Variants in TNXB observed in about 807,000 individuals in gnomAD.
TNXB encodes tenascin XB.
TNXB carries 183 observed loss-of-function variants against 340.5 expected under a neutral mutation model. The ratio of observed to expected loss-of-function variants is 0.54; its 90% confidence interval spans 0.48 to 0.61. The LOEUF (loss-of-function observed/expected upper bound fraction) is 0.61. TNXB is among the 20% of genes least tolerant of loss of function. The probability of loss-of-function intolerance (pLI) is 0.00; values close to 1 mark genes in which losing one functional copy is unlikely to be tolerated. For synonymous variants in TNXB, 2,121 were observed against 2,314.5 expected (o/e 0.92, Z 2.40); for missense variants, 4,613 against 5,446.4 (o/e 0.85, Z 4.82).
At chr6:32,094,095 C>CAAAAAA (rs9281649) in intron 4 of TNXB, among the ~76,000 whole-genome samples, 7 of 28,972 alleles carry the variant, frequency 2.4e-4, no homozygotes, top group East Asian at 1.4e-3. Flanking sequence ...CTCTCTGTCT[C>CAAAAAA]AAAAAAAAAA....
At chr6:32,065,463 G>T (rs905262465) in intron 18 of TNXB, among the ~76,000 whole-genome samples, 1 of 151,974 alleles carries the variant, frequency 6.6e-6, no homozygotes, top group Non-Finnish European at 1.5e-5. Flanking sequence ...TTTCTCAATT[G>T]CAATGTATCC....
Position 32,061,258 on chromosome 6 carries a change from G to C in TNXB, c.7492+139C>G. On this transcript the variant is annotated intron_variant, in intron 21 of 43. Coordinates refer to ENST00000644971, the MANE Select transcript of TNXB (RefSeq NM_001365276.2). The surrounding 1 kb of genome is among the most constrained non-coding windows in gnomAD (Gnocchi z 4.4). The stretch of plus-strand genomic sequence containing the variant: ...GTGAACAAGCAAACCGCTAGCATAG[G>C]CCACAGCCACAGGGCACAGAGGGAG... The C allele has an allele frequency of 7.5e-7, 1 of 1,332,412 alleles. No individual in the cohort carries two copies. The highest frequency in any genetic ancestry group is 1.0e-6 in the Non-Finnish European group (1 of 982,798). The allele number at this position is 1,332,412 out of a possible 1,614,324, so 82.5% of individuals were successfully genotyped here. A position where few individuals can be genotyped will look rare whatever the true frequency, so the allele number is the denominator to read the frequency against.
intron 24 of TNXB, among the ~76,000 whole-genome samples, chr6:32,055,172 C>G (rs1777551550): frequency 6.6e-6 from 1 of 152,164 alleles, no homozygotes; most frequent in South Asian, 2.1e-4. Context: ...AGAGCAAAAC[C>G]TTGCTTCCTT....
intron 11 of TNXB, among the ~76,000 whole-genome samples, chr6:32,076,436 C>G (rs528015755): frequency 1.3e-5 from 2 of 152,322 alleles, no homozygotes; most frequent in South Asian, 4.1e-4. Flanking sequence ...CGCACTGATG[C>G]CCATTTCTTT....
chr6:32,086,116 ACCC>A lies in TNXB; in HGVS notation c.2780-1_2781del. 2 of 1,512,922 alleles carry A rather than the reference ACCC, an allele frequency of 1.3e-6. No individual in the cohort carries two copies. The highest frequency in any genetic ancestry group is 1.8e-6 in the Non-Finnish European group (2 of 1,127,478). 93.7% of individuals were successfully genotyped at this position (1,512,922 alleles called of 1,614,324 possible). A position where few individuals can be genotyped will look rare whatever the true frequency, so the allele number is the denominator to read the frequency against. ...GTCCCCAAGAGGCCCAAGGGTGAGGACCCTGGGAAGGGGCAGGGTGAGAAAAAG... is the reference window on the plus strand; with the variant it reads ...GTCCCCAAGAGGCCCAAGGGTGAGGATGGGAAGGGGCAGGGTGAGAAAAAG... On this transcript the variant is annotated splice_acceptor_variant and coding_sequence_variant, in exon 7 of 44. Transcript: ENST00000644971. LOFTEE classifies it high-confidence loss of function.
At position 32,052,872 on chromosome 6, in the gene TNXB, G is replaced by A; in HGVS notation, c.8913C>T (p.Ser2971=). The part of the protein sequence containing the change: ...TGSSPDSLSL[S]WTIPQGRFDS... ...CGAAGCGGCCCTGGGGGATGGTCCAGGAGAGGCTCAGCGAGTCAGGGGAGG... is the reference window on the plus strand; with the variant it reads ...CGAAGCGGCCCTGGGGGATGGTCCAAGAGAGGCTCAGCGAGTCAGGGGAGG... The change falls in exon 26 of 44, where the codon TCC becomes TCT. Residue 2971 remains serine, a synonymous_variant. Coordinates refer to ENST00000644971, the MANE Select transcript of TNXB (RefSeq NM_001365276.2). The surrounding 1 kb of genome is among the most constrained non-coding windows in gnomAD (Gnocchi z 4.7). 1 of 1,613,262 alleles carries A rather than the reference G, an allele frequency of 6.2e-7. No individual in the cohort carries two copies. Among genetic ancestry groups the A allele is most frequent in the African/African-American group, 1.3e-5 (1 of 75,052 alleles).
chr6:32,096,261 TC>T lies in TNXB; in HGVS notation c.1591del (p.Asp531ThrfsTer40), dbSNP rs1351709643. On this transcript the variant is annotated frameshift_variant, in exon 3 of 44. Coordinates refer to ENST00000644971, the MANE Select transcript of TNXB (RefSeq NM_001365276.2). LOFTEE classifies it high-confidence loss of function. ...CTCGCAAAGGCCGTGCCCACGGCAG[TC>T]CCCGGGACAGCGACGGCTCCCACAG... ...EDCGSRRCPG[D>X]CRGHGLCEDG... The T allele has an allele frequency of 1.9e-6, 3 of 1,564,602 alleles. No homozygotes were observed. Among genetic ancestry groups the T allele is most frequent in the Non-Finnish European group, 1.7e-6 (2 of 1,159,142 alleles).
In TNXB at chr6:32,072,151, T is replaced by C; in HGVS notation, c.4829A>G (p.Gln1610Arg). Residue 1610 changes from glutamine (Q) to arginine (R), a missense_variant, in exon 13 of 44, where the codon CAG (glutamine) becomes CGG (arginine). Coordinates refer to ENST00000644971, the MANE Select transcript of TNXB (RefSeq NM_001365276.2). The surrounding 1 kb of genome is among the most constrained non-coding windows in gnomAD (Gnocchi z 4.4). ...GGGCTGCCCGTCCCTGTCCTTGTACTGAACCACAAAGGAGTCGAATTCACC... is the reference window on the plus strand; with the variant it reads ...GGGCTGCCCGTCCCTGTCCTTGTACCGAACCACAAAGGAGTCGAATTCACC... Reference protein sequence around the residue: ...PEGEFDSFVVQYKDRDGQPQV... With the variant: ...PEGEFDSFVVRYKDRDGQPQV... 6.2e-7 allele frequency: 1 copy of C among 1,613,614 alleles called. No homozygotes were observed. Among genetic ancestry groups the C allele is most frequent in the South Asian group, 1.1e-5 (1 of 91,020 alleles).
Position 32,097,479 on chromosome 6 carries a change from GTC to G in TNXB, c.404-32_404-31del, listed in dbSNP as rs1318401730. ...AGTAGGAGGGGAGAGGCAAGTCTCA[GTC>G]TCTCTCCTGGGAGAGAGGCTGAGCC... On this transcript the variant is annotated intron_variant, in intron 2 of 43. Coordinates refer to ENST00000644971, the MANE Select transcript of TNXB (RefSeq NM_001365276.2). This position sits in a 1 kb window ranked among gnomAD's most constrained non-coding sequence, Gnocchi z 5.9. 2 of 1,569,420 alleles carry G rather than the reference GTC, an allele frequency of 1.3e-6. No homozygotes were observed. Among genetic ancestry groups the G allele is most frequent in the Admixed American group, 1.7e-5 (1 of 58,774 alleles).
chr6:32,099,967 AAAAC>A lies in TNXB; in HGVS notation c.-8-1765_-8-1762del, dbSNP rs1468194240. On this transcript the variant is annotated intron_variant, in intron 1 of 43. Coordinates refer to ENST00000644971, the MANE Select transcript of TNXB (RefSeq NM_001365276.2). ...TAAGTAAAAAAAAAAAAAAAAAAAA[AAAAC>A]AGTCATTCTCCACCTTATGTCTGAT... 4.0e-5 allele frequency among the ~76,000 whole-genome samples: 6 copies of A among 150,756 alleles called. No homozygotes were observed. The East Asian group carries it at 1.1e-3, about 27-fold the overall frequency.
In TNXB at chr6:32,069,950, G is replaced by C; in HGVS notation, c.5279-89C>G. On this transcript the variant is annotated intron_variant, in intron 14 of 43. Coordinates refer to ENST00000644971, the MANE Select transcript of TNXB (RefSeq NM_001365276.2). The surrounding 1 kb of genome is among the most constrained non-coding windows in gnomAD (Gnocchi z 6.2). ...GGCAGGATTGAGAGGTCTGGAGACA[G>C]GGCTTTGCGTGGCTGAGTCCTGCCG... 7.0e-7 allele frequency: 1 copy of C among 1,420,278 alleles called. No individual in the cohort carries two copies. 88.0% of individuals were successfully genotyped at this position (1,420,278 alleles called of 1,614,324 possible).
At chr6:32,056,461 C>A (rs1777649491) in intron 23 of TNXB, 125 bp downstream of exon 23, 1 of 1,469,220 alleles carries the variant, frequency 6.8e-7, no homozygotes, top group South Asian at 1.3e-5. Context: ...CCAAGGGGAG[C>A]CCCAGCCACA....
Position 32,079,065 on chromosome 6 carries a change from C to T in TNXB, c.4343G>A (p.Arg1448His), listed in dbSNP as rs760174312. The T allele has an allele frequency of 4.3e-6, 7 of 1,613,178 alleles. No individual in the cohort carries two copies. Among genetic ancestry groups the T allele is most frequent in the Admixed American group, 1.7e-5 (1 of 59,984 alleles). ...MHLYGLHEGQ[R>H]VGPVSAVGVT... The stretch of plus-strand genomic sequence containing the variant: ...GCCCACGGCGGACACCGGGCCCACG[C>T]GCTGCCCCTCGTGGAGGCCGTACAG... Residue 1448 changes from arginine (R) to histidine (H), a missense_variant, in exon 11 of 44, where the codon CGC becomes CAC. Around this residue, in one of 7 missense-constraint regions of TNXB, gnomAD observed 4,327 missense variants for 4,859.4 expected, o/e 0.89. Transcript: ENST00000644971. This position sits in a 1 kb window ranked among gnomAD's most constrained non-coding sequence, Gnocchi z 7.1.
At chr6:32,041,598 T>G in intron 43 of TNXB, 148 bp from the exon 44 acceptor site, 1 of 1,079,956 alleles carries the variant, frequency 9.3e-7, no homozygotes. Context: ...GAGGCTTAAT[T>G]CTGAGCTGGC....
intron 1 of TNXB, among the ~76,000 whole-genome samples, chr6:32,102,402 GATAA>G (rs528361929): frequency 2.0e-4 from 30 of 152,168 alleles, no homozygotes; most frequent in African/African-American, 6.3e-4. Context: ...TCATAAAGTG[GATAA>G]ATAAATTGTG....
chr6:32,096,929 C>A lies in TNXB; in HGVS notation c.924G>T (p.Val308=). 1 of 1,581,046 alleles carries A rather than the reference C, an allele frequency of 6.3e-7. No homozygotes were observed. The highest frequency in any genetic ancestry group is 8.7e-7 in the Non-Finnish European group (1 of 1,151,566). ...NPGYTGEDCG[V]RSCPRGCSQR... is the part of the protein sequence containing the mutation. ...GGCTGCAGCCCCGAGGGCAGCTCCT[C>A]ACCCCACAGTCCTCGCCAGTGTAGC... is the stretch of plus-strand genomic sequence containing the variant. Residue 308 remains valine, a synonymous_variant, in exon 3 of 44, where the codon GTG becomes GTT. Transcript: ENST00000644971.
At position 32,096,958 on chromosome 6, in the gene TNXB, G is replaced by T. The variant is rs1780435287; in HGVS notation, c.895C>A (p.Pro299Thr). The T allele has an allele frequency of 6.3e-7, 1 of 1,594,744 alleles. No individual in the cohort carries two copies. Among genetic ancestry groups the T allele is most frequent in the South Asian group, 1.1e-5 (1 of 90,842 alleles). Reference protein sequence around the residue: ...RCENGRCVCNPGYTGEDCGVR... With the variant: ...RCENGRCVCNTGYTGEDCGVR... ...CCACAGTCCTCGCCAGTGTAGCCGGGGTTACACACGCAGCGCCCATTCTCA... is the reference window on the plus strand; with the variant it reads ...CCACAGTCCTCGCCAGTGTAGCCGGTGTTACACACGCAGCGCCCATTCTCA... The change falls in exon 3 of 44, where the codon CCC (proline) becomes ACC (threonine). Residue 299 changes from proline to threonine, a missense_variant. Transcript: ENST00000644971.
chr6:32,042,479 C>T lies in TNXB; in HGVS notation c.12186G>A (p.Met4062Ile). The change falls in exon 40 of 44, where the codon ATG becomes ATA. Residue 4062 changes from methionine (M) to isoleucine (I), a missense_variant. This residue lies in a region of TNXB where 121 missense variants were observed against 177.4 expected (regional missense o/e 0.68). Coordinates refer to ENST00000644971, the MANE Select transcript of TNXB (RefSeq NM_001365276.2). The stretch of plus-strand genomic sequence containing the variant: ...CCAGCCAGCCGCCCCCATCAGTCTC[C>T]ATGTCGCAAAACACGTTCAGGGGCC... ...RERPLNVFCD[M>I]ETDGGGWLVF... The T allele has an allele frequency of 6.2e-7, 1 of 1,612,770 alleles. No individual in the cohort carries two copies.
Position 32,071,985 on chromosome 6 carries a change from C to A in TNXB, c.4990+5G>T. 1 of 1,589,066 alleles carries A rather than the reference C, an allele frequency of 6.3e-7. No homozygotes were observed. The highest frequency in any genetic ancestry group is 8.6e-7 in the Non-Finnish European group (1 of 1,165,838). On this transcript the variant is annotated splice_donor_5th_base_variant and intron_variant, in intron 13 of 43. Coordinates refer to ENST00000644971, the MANE Select transcript of TNXB (RefSeq NM_001365276.2). ...CAGGCTCAGCTGTGTAGGGGCCCAT[C>A]TCACCCGTCTTTGCCTCCACAGAGA...
Sources: gnomAD v4.1 joint callset for allele counts (sites outside exome capture counted in the v4.1 genomes callset) on GRCh38, gnomAD v4.1.1 for gene constraint, gnomAD v4.1.1 regional missense constraint, Gnocchi (gnomAD v3.1) non-coding constraint, MANE v1.5 for transcripts, NCBI Gene and HGNC (gene_info 2026-07-23, HGNC 2026-07-21) for gene names.